ERCC6: variants seen among roughly 807,000 people sequenced by gnomAD.
ERCC6 encodes the protein ERCC excision repair 6, chromatin remodeling factor, also known as DNA excision repair protein ERCC-6.
In ERCC6, 116 loss-of-function variants were observed where a neutral mutation model predicts 158.7. The observed-to-expected ratio is 0.73, with a 90% CI of 0.63 to 0.85. The LOEUF (loss-of-function observed/expected upper bound fraction) is 0.85, where lower values mean the gene tolerates loss of function less well. Among genes scored for constraint, ERCC6 ranks in the 40% least tolerant of loss-of-function variants. The pLI, the probability that ERCC6 is intolerant of heterozygous loss-of-function variation, is 0.00. For synonymous variants in ERCC6, 678 were observed against 659.3 expected (o/e 1.03, Z -0.43); for missense variants, 1,698 against 1,799.4 (o/e 0.94, Z 1.02).
chr10:49,478,466 T>C lies in ERCC6; in HGVS notation c.2174A>G (p.Lys725Arg). ...GACACATGCACACTTGTAAGCAGTT[T>C]TGACCTTTAATAAGAGCAGAGAAGG... ...GYSNASPVQV[K>R]TAYKCACVLR... The change falls in exon 11 of 21, where the codon AAA (lysine) becomes AGA (arginine). Residue 725 changes from lysine to arginine, a missense_variant. By Grantham distance (26) the Lys-to-Arg change is conservative. Coordinates refer to ENST00000355832, the MANE Select transcript of ERCC6 (RefSeq NM_000124.4). 5 of 1,600,310 alleles carry C rather than the reference T, an allele frequency of 3.1e-6. No homozygotes were observed. The highest frequency in any genetic ancestry group is 4.3e-6 in the Non-Finnish European group (5 of 1,167,918).
At chr10:49,463,008 G>A (rs1259914317) in intron 18 of ERCC6, among the ~76,000 whole-genome samples, 2 of 152,156 alleles carry the variant, frequency 1.3e-5, no homozygotes, top group African/African-American at 4.8e-5. Context: ...GCTAAAAGAA[G>A]CTATAAAAAA....
At chr10:49,514,593 CGTCT>C (rs987216249) in intron 5 of ERCC6, among the ~76,000 whole-genome samples, 3 of 152,120 alleles carry the variant, frequency 2.0e-5, no homozygotes, top group Admixed American at 1.3e-4. Context: ...AAATCTACAC[CGTCT>C]GTAAGGAAAA....
intron 11 of ERCC6, 84 bp downstream of exon 11, chr10:49,478,266 ACTCT>A (rs1324056139): frequency 1.0e-6 from 1 of 959,110 alleles, no homozygotes; most frequent in East Asian, 2.4e-5. Context: ...ACCTCACCAG[ACTCT>A]CTCATCCGCA....
intron 8 of ERCC6, among the ~76,000 whole-genome samples, chr10:49,487,958 T>C (rs1417516869): frequency 6.6e-6 from 1 of 152,228 alleles, no homozygotes; most frequent in Non-Finnish European, 1.5e-5. Context: ...CTATTTGTTA[T>C]CACCTGATTC....
intron 7 of ERCC6, among the ~76,000 whole-genome samples, chr10:49,499,969 G>GT (rs572306651): frequency 9.2e-4 from 140 of 152,130 alleles, no homozygotes; most frequent in African/African-American, 3.1e-3. Flanking sequence ...GATCAGACAA[G>GT]TAACTTCATT....
chr10:49,516,372 G>A, intron 5 of ERCC6: 1 of 1,614,146 alleles, frequency 6.2e-7, no homozygotes, highest in Non-Finnish European at 8.5e-7. Context: ...GCTTATGAGA[G>A]GTCGCAATTT....
chr10:49,524,885 T>TA, intron 4 of ERCC6, 108 bp from the exon 5 acceptor site: 5 of 1,539,946 alleles, frequency 3.2e-6, no homozygotes, highest in African/African-American at 1.4e-5. Context: ...ATAACTCATA[T>TA]AAAAAAAGAA....
rs751598627 is a variant in ERCC6, at chr10:49,524,100, C to G, written c.1330G>C (p.Gly444Arg). 7 of 1,614,026 alleles carry G rather than the reference C, an allele frequency of 4.3e-6. No individual in the cohort carries two copies. The Admixed American group carries it at 1.2e-4, about 27-fold the overall frequency. Reference sequence around the variant, plus strand: ...TATCTTCCCACTTTCCGACCTCCTCCTCCTCCTTCTCCTACAGAAGCAGCT... The same window carrying G: ...TATCTTCCCACTTTCCGACCTCCTCGTCCTCCTTCTCCTACAGAAGCAGCT... The part of the protein sequence containing the change: ...AEAASVGEGG[G>R]GGRKVGRYRD... The change falls in exon 5 of 21, where the codon GGA becomes CGA. Residue 444 changes from glycine to arginine, a missense_variant. Physicochemically the swap from Gly to Arg is moderately radical, Grantham distance 125. Coordinates refer to ENST00000355832, the MANE Select transcript of ERCC6 (RefSeq NM_000124.4).
intron 13 of ERCC6, 72 bp downstream of exon 13, chr10:49,473,955 G>T (rs1850828974): frequency 7.5e-7 from 1 of 1,325,192 alleles, no homozygotes; most frequent in Non-Finnish European, 1.1e-6. Context: ...ACTTTAGATT[G>T]AATCCCATTT....
intron 12 of ERCC6, chr10:49,475,307 T>C (rs1267745695): frequency 5.4e-6 from 2 of 371,958 alleles, no homozygotes; most frequent in Non-Finnish European, 1.1e-5. Flanking sequence ...AAATAAAATA[T>C]ATATCAAAAT....
intron 20 of ERCC6, 67 bp from the exon 21 acceptor site, chr10:49,459,301 A>C: frequency 1.3e-6 from 2 of 1,541,532 alleles, no homozygotes; most frequent in Non-Finnish European, 1.8e-6. Flanking sequence ...TCCTTCCCCA[A>C]AGGCTGTGAA....
At chr10:49,451,547 A>G (rs544068405), downstream of ERCC6, among the ~76,000 whole-genome samples, 1 of 152,150 alleles carries the variant, frequency 6.6e-6, no homozygotes, top group Non-Finnish European at 1.5e-5. Context: ...TGACTTTTTT[A>G]TTATATTGAT....
chr10:49,461,348 T>C lies in ERCC6; in HGVS notation c.3983+4A>G, dbSNP rs370938370. 163 of 1,612,438 alleles carry C rather than the reference T, an allele frequency of 1.0e-4. No individual in the cohort carries two copies. The highest frequency in any genetic ancestry group is 1.3e-4 in the Non-Finnish European group (156 of 1,179,798). ...TGCAAGTATGGCATGCAGCAATCTC[T>C]TACTTTTTTCCTGCTGGTGCACCAG... is the stretch of plus-strand genomic sequence containing the variant. On this transcript the variant is annotated splice_donor_region_variant and intron_variant, in intron 19 of 20. Transcript: ENST00000355832.
chr10:49,483,974 T>TTTTATATTTTATATTTTA (rs1338030097), intron 8 of ERCC6, among the ~76,000 whole-genome samples: 1 of 151,702 alleles, frequency 6.6e-6, no homozygotes, highest in Non-Finnish European at 1.5e-5. Flanking sequence ...ATAAAAGCAA[T>TTTTATATTTTATATTTTA]GATTTTAAAA....
chr10:49,435,983 C>G, the ERCC6 span, among the ~76,000 whole-genome samples: 3 of 143,860 alleles, frequency 2.1e-5, no homozygotes, highest in Admixed American at 1.4e-4. Context: ...GCCTGGGCGA[C>G]AGAATCAGAC....
intron 5 of ERCC6, chr10:49,515,844 G>C (rs1836941023): frequency 6.2e-7 from 1 of 1,614,186 alleles, no homozygotes; most frequent in Non-Finnish European, 8.5e-7. Context: ...ACCAGCACCA[G>C]ATGAGGCAAC....
chr10:49,476,315 G>A lies in ERCC6; in HGVS notation c.2287-5C>T, dbSNP rs772880581. The A allele has an allele frequency of 1.7e-5, 27 of 1,603,422 alleles. No individual in the cohort carries two copies. The highest frequency in any genetic ancestry group is 5.5e-5 in the South Asian group (5 of 90,160). On this transcript the variant is annotated splice_region_variant and splice_polypyrimidine_tract_variant and intron_variant, in intron 11 of 20. Transcript: ENST00000355832. ...TGTAAGACGGCAAAATAAGACCTAC[G>A]GACGGGAAAAACAAGGAAACTATAA...
chr10:49,538,255 T>C (rs12242851), intron 1 of ERCC6, among the ~76,000 whole-genome samples: 17,068 of 152,180 alleles, frequency 0.11, 1,119 homozygotes, highest in South Asian at 0.2. Flanking sequence ...GGCACAGTTC[T>C]GAGAGGGGAC....
At chr10:49,526,281 T>A (rs988993255) in intron 4 of ERCC6, among the ~76,000 whole-genome samples, 1 of 151,224 alleles carries the variant, frequency 6.6e-6, no homozygotes, top group African/African-American at 2.4e-5. Context: ...CCATGTTAGC[T>A]ATTTTGGTAG....
Sources: allele counts gnomAD v4.1 joint callset (sites outside exome capture counted in the v4.1 genomes callset), GRCh38; gene constraint gnomAD v4.1.1; transcripts MANE v1.5; gene names NCBI Gene and HGNC (gene_info 2026-07-23, HGNC 2026-07-21).